FAM120C: variants seen among roughly 807,000 people sequenced by gnomAD.
The protein encoded by FAM120C is family with sequence similarity 120 member C, also known as constitutive coactivator of PPAR-gamma-like protein 2.
In FAM120C, 14 loss-of-function variants were observed where a neutral mutation model predicts 71.2. The observed-to-expected ratio is 0.20, with a 90% CI of 0.13 to 0.31. FAM120C has a LOEUF of 0.31. FAM120C is among the 10% of genes least tolerant of loss of function. FAM120C has a pLI of 1.00. For missense variants in FAM120C, 500 were observed against 879.0 expected, an observed-to-expected ratio of 0.57 and a Z score of 5.45; for synonymous variants, 354 against 353.2, an observed-to-expected ratio of 1.00 and a Z score of -0.03.
chrX:54,156,437 C>T (rs2067210111), intron 3 of FAM120C, among the ~76,000 whole-genome samples: 1 of 105,409 alleles, frequency 9.5e-6, no homozygotes, highest in African/African-American at 3.5e-5. Flanking sequence ...ATTCTCCTGC[C>T]TCAGCCTCCT....
intron 4 of FAM120C, among the ~76,000 whole-genome samples, chrX:54,140,929 G>C (rs1471053131): frequency 1.0e-5 from 1 of 95,647 alleles, no homozygotes; most frequent in African/African-American, 3.9e-5. Context: ...GACAGAGTGA[G>C]ACTCCGTCTC....
rs1557137880 is a variant in FAM120C at position 54,183,106 on chromosome X, C to T, written c.93G>A (p.Ser31=). 2.6e-6 allele frequency: 3 copies of T among 1,156,096 alleles called. No homozygotes were observed. In the East Asian group the frequency reaches 9.9e-5, roughly 38 times the overall value. ...GCAAGTGCTGCTGCTGCTGCTGGCG[C>T]GAGACCGTGCGCGCGAGTTTTAGGA... is the stretch of plus-strand genomic sequence containing the variant. The part of the protein sequence containing the change: ...VDLLKLARTV[S]RQQQQQHLHR... Residue 31 remains serine (S), a synonymous_variant, in exon 1 of 16, where the codon TCG becomes TCA. Coordinates refer to ENST00000375180, the MANE Select transcript of FAM120C (RefSeq NM_017848.6).
chrX:54,098,220 T>C (rs2066863760), intron 10 of FAM120C, among the ~76,000 whole-genome samples: 1 of 108,391 alleles, frequency 9.2e-6, no homozygotes. Context: ...TCTGTATTTT[T>C]AGTAGAGACG....
chrX:54,146,175 G>T (rs1370186395), intron 4 of FAM120C, among the ~76,000 whole-genome samples: 1 of 109,604 alleles, frequency 9.1e-6, no homozygotes, highest in African/African-American at 3.3e-5. Context: ...GGGAAGGGGG[G>T]AGGGATAGCA....
chrX:54,096,509 C>T lies in FAM120C; in HGVS notation c.2313-5083G>A, dbSNP rs781901045. 1.1e-4 allele frequency among the ~76,000 whole-genome samples: 12 copies of T among 111,984 alleles called. No homozygotes were observed. The South Asian group carries it at 3.7e-3, about 34-fold the overall frequency. On this transcript the variant is annotated intron_variant, in intron 10 of 15. Coordinates refer to ENST00000375180, the MANE Select transcript of FAM120C (RefSeq NM_017848.6). ...ATGATTGTGGCTTCTTCATTCCTAG[C>T]ATCTGAATTCTCAACTTTTTCTCTT...
At chrX:54,082,572 C>T (rs1448425432) in intron 13 of FAM120C, among the ~76,000 whole-genome samples, 1 of 108,755 alleles carries the variant, frequency 9.2e-6, no homozygotes, top group Non-Finnish European at 1.9e-5. Context: ...CCATGCCCAG[C>T]TAATGTTTGT....
At chrX:54,161,914 G>A (rs1256335334) in intron 1 of FAM120C, among the ~76,000 whole-genome samples, 3 of 112,786 alleles carry the variant, frequency 2.7e-5, no homozygotes, top group Non-Finnish European at 5.6e-5. Context: ...TTACAGGCGT[G>A]AGCCACTGTA....
In FAM120C at chrX:54,072,948, T is replaced by G; in HGVS notation, c.*85A>C. On this transcript the variant is annotated 3_prime_UTR_variant, in exon 16 of 16. Transcript: ENST00000375180. The stretch of plus-strand genomic sequence containing the variant: ...TCCTGGAGAAATCTAGGGTAAGCAT[T>G]TATATCCTCCTCTAGCTTGGGCCTA... The G allele has an allele frequency of 1.9e-6, 2 of 1,080,300 alleles. No homozygotes were observed. The highest frequency in any genetic ancestry group is 2.5e-6 in the Non-Finnish European group (2 of 812,660). The allele number at this position is 1,080,300 out of a possible 1,213,427, so 89.0% of individuals were successfully genotyped here. A position where few individuals can be genotyped will look rare whatever the true frequency, so the allele number is the denominator to read the frequency against.
At position 54,110,011 on chromosome X, in the gene FAM120C, CT is replaced by C. The variant is rs782078837; in HGVS notation, c.2312+6533del. ...AGTATAAGAAAACGTAGAAAAATAT[CT>C]TTTTTTTTTTTTTTTTTTTTCTGAG... On this transcript the variant is annotated intron_variant, in intron 10 of 15. Coordinates refer to ENST00000375180, the MANE Select transcript of FAM120C (RefSeq NM_017848.6). Among the ~76,000 whole-genome samples the C allele has an allele frequency of 8.9e-3, 548 of 61,424 alleles. 7 individuals are homozygous for C. Among genetic ancestry groups the C allele is most frequent in the African/African-American group, 0.035 (535 of 15,464 alleles). The allele number at this position is 61,424 out of a possible 115,157, so 53.3% of individuals were successfully genotyped here.
chrX:54,133,185 AAAAG>A (rs2067077080), intron 8 of FAM120C, among the ~76,000 whole-genome samples: 1 of 111,932 alleles, frequency 8.9e-6, no homozygotes, highest in East Asian at 2.8e-4. Flanking sequence ...CTAAAAATAC[AAAAG>A]TTAGCCAGGT....
At position 54,070,232 on chromosome X, in the gene FAM120C, A is replaced by T. The variant is rs2066703944; in HGVS notation, c.*2801T>A. ...TCCTTCTTGTAACCTTCCAAACCCA[A>T]AATGCTGAATCCAAATAAAAATCAA... On this transcript the variant is annotated 3_prime_UTR_variant, in exon 16 of 16. Coordinates refer to ENST00000375180, the MANE Select transcript of FAM120C (RefSeq NM_017848.6). The T allele has an allele frequency of 8.9e-6, 1 of 111,942 alleles. No individual in the cohort carries two copies. The highest frequency in any genetic ancestry group is 1.9e-5 in the Non-Finnish European group (1 of 53,216). The allele number at this position is 111,942 out of a possible 1,213,427, so 9.2% of individuals were successfully genotyped here.
intron 4 of FAM120C, among the ~76,000 whole-genome samples, chrX:54,146,052 C>G (rs2067153727): frequency 9.1e-6 from 1 of 110,123 alleles, no homozygotes; most frequent in African/African-American, 3.3e-5. Flanking sequence ...CAAACTATCG[C>G]AAGGACAGAA....
chrX:54,091,469 T>C (rs377421586), intron 10 of FAM120C, 43 bp from the exon 11 acceptor site: 89 of 991,939 alleles, frequency 9.0e-5, no homozygotes, highest in Non-Finnish European at 1.2e-4. Flanking sequence ...AAAGCTCACT[T>C]ATTCATGTCA....
In FAM120C at chrX:54,155,595, A is replaced by G. The variant is rs139723533; in HGVS notation, c.1029+2094T>C. ...AACTCATGTGTAGACAAGTCTTTAG[A>G]GGAGTTTTCTATAAGAAGAAATATA... is the stretch of plus-strand genomic sequence containing the variant. On this transcript the variant is annotated intron_variant, in intron 3 of 15. Transcript: ENST00000375180. Among the ~76,000 whole-genome samples the G allele has an allele frequency of 4.3e-3, 481 of 111,811 alleles. 5 individuals carry two copies. Among genetic ancestry groups the G allele is most frequent in the Non-Finnish European group, 6.4e-3 (340 of 53,189 alleles).
At chrX:54,159,253 G>T in intron 2 of FAM120C, 117 bp downstream of exon 2, 1 of 945,723 alleles carries the variant, frequency 1.1e-6, no homozygotes, top group Non-Finnish European at 1.5e-6. Flanking sequence ...AGTGTTTAGC[G>T]TGAAGACTTT....
At chrX:54,096,332 GC>G (rs1239560415) in intron 10 of FAM120C, among the ~76,000 whole-genome samples, 3 of 111,348 alleles carry the variant, frequency 2.7e-5, no homozygotes, top group Admixed American at 1.9e-4. Context: ...AATTGCTTGA[GC>G]CCAGGAGGCG....
At chrX:54,173,935 G>A in intron 1 of FAM120C, 1 of 396,993 alleles carries the variant, frequency 2.5e-6, no homozygotes, top group Non-Finnish European at 4.4e-6. Flanking sequence ...CAATCAAGGT[G>A]CCAGCCAGGG....
intron 15 of FAM120C, among the ~76,000 whole-genome samples, chrX:54,078,234 C>T (rs1400351805): frequency 1.0e-5 from 1 of 95,464 alleles, no homozygotes; most frequent in African/African-American, 3.9e-5. Flanking sequence ...TGAGCCACCG[C>T]GCCCGGCCGA....
intron 4 of FAM120C, among the ~76,000 whole-genome samples, chrX:54,139,576 C>T (rs2067113470): frequency 9.0e-6 from 1 of 110,625 alleles, no homozygotes; most frequent in Non-Finnish European, 1.9e-5. Context: ...CTCCTGACCT[C>T]GTGATCCGTC....
Sources: allele counts gnomAD v4.1 joint callset (sites outside exome capture counted in the v4.1 genomes callset), GRCh38; gene constraint gnomAD v4.1.1; transcripts MANE v1.5; gene names NCBI Gene and HGNC (gene_info 2026-07-23, HGNC 2026-07-21).